The following KHDRBS2 variants were observed in gnomAD, a reference collection of about 807,000 sequenced individuals.
KHDRBS2 encodes the protein KH domain-containing, RNA-binding, signal transduction-associated protein 2.
Under a neutral mutation model 44.3 loss-of-function variants are expected in KHDRBS2, and 26 were observed. The ratio of observed to expected loss-of-function variants is 0.59; its 90% CI spans 0.43 to 0.81. KHDRBS2 has a LOEUF of 0.81. Ranked by LOEUF, KHDRBS2 falls within the 40% of genes least tolerant of loss-of-function variation. The probability of loss-of-function intolerance (pLI) is 0.00; values close to 1 mark genes in which losing one functional copy is unlikely to be tolerated. For missense variants in KHDRBS2, 476 were observed against 433.1 expected (o/e 1.10, Z -0.88); for synonymous variants, 194 against 151.1 (o/e 1.28, Z -2.08).
rs150955327 is a variant in KHDRBS2, at chr6:62,083,357, G to A, written c.220-35363C>T. 4.4e-3 allele frequency among the ~76,000 whole-genome samples: 665 copies of A among 152,046 alleles called. 8 individuals are homozygous for A. The highest frequency in any genetic ancestry group is 0.015 in the African/African-American group (629 of 41,456). On this transcript the variant is annotated intron_variant, in intron 2 of 8. Transcript: ENST00000281156. ...CATCCCCTTTCCCCATCCTATTGAGGGCCACTTTCACTGGCAATAAAATCT... is the reference window on the plus strand; with the variant it reads ...CATCCCCTTTCCCCATCCTATTGAGAGCCACTTTCACTGGCAATAAAATCT...
At chr6:61,728,019 A>G (rs1400620667) in intron 7 of KHDRBS2, among the ~76,000 whole-genome samples, 3 of 152,138 alleles carry the variant, frequency 2.0e-5, no homozygotes, top group Non-Finnish European at 2.9e-5. Flanking sequence ...ACATGGAATC[A>G]ACCTAAACCA....
At chr6:61,612,861 T>C in the KHDRBS2 span, among the ~76,000 whole-genome samples, 4 of 65,766 alleles carry the variant, frequency 6.1e-5, 1 homozygote, top group Non-Finnish European at 1.4e-4. Context: ...TTTTTTTTTT[T>C]TTTTTTTTTG....
chr6:61,954,943 T>TATAC (rs1766139982), intron 4 of KHDRBS2, among the ~76,000 whole-genome samples: 1 of 69,432 alleles, frequency 1.4e-5, no homozygotes, highest in Non-Finnish European at 4.1e-5. Context: ...CATATGTATG[T>TATAC]GTATACATAT....
At chr6:62,057,537 A>T (rs915311970) in intron 2 of KHDRBS2, among the ~76,000 whole-genome samples, 12 of 151,946 alleles carry the variant, frequency 7.9e-5, no homozygotes, top group Non-Finnish European at 1.8e-4. Context: ...TAATCATGAC[A>T]GGTGAATTAT....
At chr6:62,167,489 G>C (rs1032985774) in intron 2 of KHDRBS2, among the ~76,000 whole-genome samples, 2 of 152,030 alleles carry the variant, frequency 1.3e-5, no homozygotes, top group African/African-American at 4.8e-5. Context: ...AATTTTTCTA[G>C]AAAACAGGAT....
At chr6:61,711,051 C>T (rs1402198616) in intron 7 of KHDRBS2, among the ~76,000 whole-genome samples, 1 of 150,440 alleles carries the variant, frequency 6.6e-6, no homozygotes, top group Non-Finnish European at 1.5e-5. Flanking sequence ...CTGAGCAATA[C>T]CTTATTTGTT....
chr6:62,011,263 A>G (rs1334067626), intron 3 of KHDRBS2, among the ~76,000 whole-genome samples: 1 of 152,208 alleles, frequency 6.6e-6, no homozygotes, highest in Admixed American at 6.5e-5. Flanking sequence ...TTTCTCTGAT[A>G]GTGTTGACAA....
intron 5 of KHDRBS2, among the ~76,000 whole-genome samples, chr6:61,899,735 C>CCA (rs1554263635): frequency 7.8e-6 from 1 of 127,404 alleles, no homozygotes; most frequent in Admixed American, 8.4e-5. Flanking sequence ...GTTTTAATGC[C>CCA]CCCCCCCCGC....
intron 4 of KHDRBS2, among the ~76,000 whole-genome samples, chr6:61,957,507 T>TGG (rs34559876): frequency 1.9e-3 from 288 of 152,032 alleles, no homozygotes; most frequent in African/African-American, 6.3e-3. Flanking sequence ...ATGGCTGCTT[T>TGG]GGGGGTGGCT....
chr6:61,598,272 C>T, the KHDRBS2 span, among the ~76,000 whole-genome samples: 138 of 151,688 alleles, frequency 9.1e-4, 1 homozygote, highest in African/African-American at 3.2e-3. Flanking sequence ...AAGAGGTATA[C>T]CTAAACAAAT....
chr6:61,822,158 G>A (rs1338029779), intron 6 of KHDRBS2, among the ~76,000 whole-genome samples: 1 of 151,888 alleles, frequency 6.6e-6, no homozygotes, highest in Non-Finnish European at 1.5e-5. Flanking sequence ...GACCTGTATT[G>A]CCCACTGCCA....
the KHDRBS2 span, among the ~76,000 whole-genome samples, chr6:61,634,267 T>TA: frequency 0.77 from 113,324 of 147,746 alleles, 43,636 homozygotes; most frequent in Non-Finnish European, 0.83. Flanking sequence ...CAGATCAAAT[T>TA]AAAAAAAAAA....
At chr6:61,691,555 C>T (rs370735230) in intron 8 of KHDRBS2, among the ~76,000 whole-genome samples, 1 of 151,944 alleles carries the variant, frequency 6.6e-6, no homozygotes, top group East Asian at 1.9e-4. Flanking sequence ...TACAATAAAT[C>T]TCAGAAAAAA....
chr6:61,772,781 C>A (rs934220881), intron 6 of KHDRBS2, among the ~76,000 whole-genome samples: 2 of 152,028 alleles, frequency 1.3e-5, no homozygotes, highest in African/African-American at 2.4e-5. Context: ...CTAAAGCTAT[C>A]CCTACCCCCT....
intron 4 of KHDRBS2, among the ~76,000 whole-genome samples, chr6:61,948,654 CATTATTATTATTATT>C (rs145017316): frequency 5.6e-5 from 8 of 141,596 alleles, no homozygotes; most frequent in South Asian, 4.6e-4. Flanking sequence ...TATATTCTCA[CATTATTATTATTATT>C]ATTATTATTA....
chr6:62,214,973 C>T (rs904068901), intron 1 of KHDRBS2, among the ~76,000 whole-genome samples: 3 of 148,150 alleles, frequency 2.0e-5, no homozygotes, highest in African/African-American at 7.4e-5. Context: ...AGTATACATA[C>T]AAATCAAGAC....
chr6:62,052,884 A>G (rs866809125), intron 2 of KHDRBS2, among the ~76,000 whole-genome samples: 6 of 151,952 alleles, frequency 3.9e-5, no homozygotes, highest in Middle Eastern at 3.2e-3. Context: ...AGACCAGTAC[A>G]GGTCTGAAGC....
chr6:61,819,247 G>T (rs913157743), intron 6 of KHDRBS2, among the ~76,000 whole-genome samples: 1 of 151,516 alleles, frequency 6.6e-6, no homozygotes, highest in Non-Finnish European at 1.5e-5. Flanking sequence ...CCAAATGAAG[G>T]GTTAAGAGAA....
the KHDRBS2 span, among the ~76,000 whole-genome samples, chr6:61,653,871 C>T: frequency 3.8e-4 from 54 of 141,552 alleles, no homozygotes; most frequent in African/African-American, 1.2e-3. Context: ...TTATAAAATA[C>T]TATTTTTAGA....
Sources: gnomAD v4.1 joint callset for allele counts (sites outside exome capture counted in the v4.1 genomes callset) on GRCh38, gnomAD v4.1.1 for gene constraint, MANE v1.5 for transcripts, NCBI Gene and HGNC (gene_info 2026-07-23, HGNC 2026-07-21) for gene names.